Variants in TPX2 observed in about 807,000 individuals in gnomAD.
The protein encoded by TPX2 is targeting protein for Xklp2.
A neutral mutation model predicts 93.6 loss-of-function variants in TPX2; 21 were observed. The ratio of observed to expected loss-of-function variants is 0.22; its 90% CI spans 0.16 to 0.32. TPX2 has a LOEUF of 0.32. Ranked by LOEUF, TPX2 falls within the 10% of genes least tolerant of loss-of-function variation. The pLI is 1.00. For missense variants in TPX2, 776 were observed against 871.1 expected, an observed-to-expected ratio of 0.89 and a Z score of 1.37; for synonymous variants, 281 against 298.3, an observed-to-expected ratio of 0.94 and a Z score of 0.60.
At chr20:31,759,317 C>T (rs538086277) in intron 3 of TPX2, among the ~76,000 whole-genome samples, 1 of 152,028 alleles carries the variant, frequency 6.6e-6, no homozygotes, top group Non-Finnish European at 1.5e-5. Flanking sequence ...TCCCACCACC[C>T]CACTGAGGAG....
chr20:31,766,452 A>AGG lies in TPX2; in HGVS notation c.230-102_230-101dup, dbSNP rs1407100544. On this transcript the variant is annotated intron_variant, in intron 4 of 17. Coordinates refer to ENST00000300403, the MANE Select transcript of TPX2 (RefSeq NM_012112.5). Reference sequence around the variant, plus strand: ...GAACTAAGGTTTCTGTGGCTTAGACAGGGTGTGTGTGTGTGTGTGTGTGTG... The same window carrying AGG: ...GAACTAAGGTTTCTGTGGCTTAGACAGGGGGTGTGTGTGTGTGTGTGTGTGTG... 311 of 919,196 alleles carry AGG rather than the reference A, an allele frequency of 3.4e-4. 1 individual carries two copies. In the African/African-American group the frequency reaches 4.2e-3, roughly 12 times the overall value. 56.9% of individuals were successfully genotyped at this position (919,196 alleles called of 1,614,324 possible).
intron 7 of TPX2, 35 bp from the exon 8 acceptor site, chr20:31,775,830 CCT>C: frequency 6.8e-7 from 1 of 1,461,306 alleles, no homozygotes; most frequent in Non-Finnish European, 9.1e-7. Context: ...GTGCCTTTCT[CCT>C]CTCCTCTCTT....
intron 15 of TPX2, among the ~76,000 whole-genome samples, chr20:31,794,812 A>G (rs1339608970): frequency 1.3e-5 from 2 of 149,710 alleles, no homozygotes; most frequent in African/African-American, 2.5e-5. Flanking sequence ...GTACGCACAC[A>G]TTTTGTTGTT....
chr20:31,742,926 C>CAT (rs2061761483), intron 2 of TPX2, among the ~76,000 whole-genome samples: 1 of 152,004 alleles, frequency 6.6e-6, no homozygotes, highest in South Asian at 2.1e-4. Flanking sequence ...TCAAAATTCT[C>CAT]ATATGCGGCC....
chr20:31,776,514 C>T (rs1044860521), intron 8 of TPX2, among the ~76,000 whole-genome samples: 10 of 151,600 alleles, frequency 6.6e-5, no homozygotes, highest in Non-Finnish European at 1.0e-4. Flanking sequence ...TTAAATATAT[C>T]GGTACTTTCT....
At chr20:31,798,309 G>A (rs1318148799) in intron 16 of TPX2, 56 bp from the exon 17 acceptor site, 30 of 1,607,490 alleles carry the variant, frequency 1.9e-5, no homozygotes, top group Admixed American at 6.7e-5. Flanking sequence ...TCCAGGGGGC[G>A]TAGGTTTATG....
intron 6 of TPX2, among the ~76,000 whole-genome samples, chr20:31,770,890 ATT>A (rs932175962): frequency 1.8e-4 from 25 of 139,142 alleles, no homozygotes; most frequent in African/African-American, 6.4e-4. Flanking sequence ...TCAGTGGCTG[ATT>A]TTTAGCTTTT....
At chr20:31,759,997 T>A (rs2061878659) in intron 3 of TPX2, 60 bp from the exon 4 acceptor site, 1 of 1,597,458 alleles carries the variant, frequency 6.3e-7, no homozygotes, top group Non-Finnish European at 8.5e-7. Context: ...TTTAAATGCG[T>A]GATAGTGATT....
At chr20:31,748,052 T>C (rs1395129404) in intron 2 of TPX2, among the ~76,000 whole-genome samples, 2 of 152,170 alleles carry the variant, frequency 1.3e-5, no homozygotes, top group African/African-American at 2.4e-5. Flanking sequence ...TCAGCCTTAA[T>C]TGAAGAGAGT....
At position 31,764,286 on chromosome 20, in the gene TPX2, C is replaced by T. The variant is rs146746389; in HGVS notation, c.230-2270C>T. Among the ~76,000 whole-genome samples the T allele has an allele frequency of 2.0e-3, 299 of 152,152 alleles. 1 individual carries two copies. Among genetic ancestry groups the T allele is most frequent in the African/African-American group, 7.0e-3 (290 of 41,528 alleles). ...CTGGGCACAGGTGATCCTCTTACCT[C>T]AGCCTCTTGAGTAGCTGGGACCACA... On this transcript the variant is annotated intron_variant, in intron 4 of 17. Transcript: ENST00000300403.
chr20:31,786,630 G>A (rs1336472521), intron 12 of TPX2, among the ~76,000 whole-genome samples: 5 of 152,094 alleles, frequency 3.3e-5, no homozygotes, highest in Admixed American at 1.3e-4. Context: ...TCTTGAGCTC[G>A]TGGTCTCAAG....
intron 6 of TPX2, 28 bp downstream of exon 6, chr20:31,770,499 A>G (rs775594180): frequency 3.9e-6 from 6 of 1,548,992 alleles, no homozygotes; most frequent in Non-Finnish European, 4.4e-6. Context: ...CTTACTGCCA[A>G]GGGCAGACAT....
intron 12 of TPX2, 49 bp downstream of exon 12, chr20:31,783,970 G>T: frequency 6.3e-7 from 1 of 1,585,214 alleles, no homozygotes; most frequent in Non-Finnish European, 8.6e-7. Flanking sequence ...CTCATGACCA[G>T]ATATCCACCC....
intron 2 of TPX2, among the ~76,000 whole-genome samples, chr20:31,748,564 G>A (rs2122955080): frequency 6.6e-6 from 1 of 152,278 alleles, no homozygotes; most frequent in East Asian, 1.9e-4. Flanking sequence ...ATAAAGGGCA[G>A]GATTTGTCTT....
chr20:31,766,610 T>G lies in TPX2; in HGVS notation c.284T>G (p.Ile95Ser), dbSNP rs767947159. The change falls in exon 5 of 18, where the codon ATT becomes AGT. Residue 95 changes from isoleucine (I) to serine (S), a missense_variant. By Grantham distance (142) the Ile-to-Ser change is moderately radical. Coordinates refer to ENST00000300403, the MANE Select transcript of TPX2 (RefSeq NM_012112.5). ...AAAGAAAATCTTGTGGAACAATCCA[T>G]TCCGTCAAATGCTTGTTCTTCCCTG... ...AEKENLVEQS[I>S]PSNACSSLEV... 1.2e-6 allele frequency: 2 copies of G among 1,613,748 alleles called. No homozygotes were observed. The highest frequency in any genetic ancestry group is 1.7e-5 in the Admixed American group (1 of 59,910).
chr20:31,752,667 C>T (rs752688353), intron 2 of TPX2, among the ~76,000 whole-genome samples: 25 of 151,922 alleles, frequency 1.6e-4, no homozygotes, highest in African/African-American at 4.8e-4. Context: ...AGGCTGGATG[C>T]GGTGGCGTGA....
At chr20:31,788,001 A>G (rs1239642498) in intron 12 of TPX2, among the ~76,000 whole-genome samples, 1 of 152,180 alleles carries the variant, frequency 6.6e-6, no homozygotes, top group Non-Finnish European at 1.5e-5. Context: ...GCAGGTTTGC[A>G]TGTTGAAGTT....
chr20:31,790,089 A>T (rs901888281), intron 12 of TPX2, among the ~76,000 whole-genome samples: 1 of 152,232 alleles, frequency 6.6e-6, no homozygotes, highest in Non-Finnish European at 1.5e-5. Flanking sequence ...GCATTCAAGC[A>T]AGATGCTAGT....
chr20:31,782,417 A>G (rs2062038855), intron 11 of TPX2, 27 bp downstream of exon 11: 1 of 1,582,288 alleles, frequency 6.3e-7, no homozygotes, highest in African/African-American at 1.4e-5. Flanking sequence ...GTATCTGAGG[A>G]AGAGTTCCAC....
Sources: gnomAD v4.1 joint callset for allele counts (sites outside exome capture counted in the v4.1 genomes callset) on GRCh38, gnomAD v4.1.1 for gene constraint, MANE v1.5 for transcripts, NCBI Gene and HGNC (gene_info 2026-07-23, HGNC 2026-07-21) for gene names.